Variants in PAK3 observed in about 807,000 individuals in gnomAD.
The protein encoded by PAK3 is p21 (RAC1) activated kinase 3.
Under a neutral mutation model 41.0 loss-of-function variants are expected in PAK3, and 4 were observed. That is an observed-to-expected ratio of 0.10 (90% confidence interval 0.05 to 0.22). The LOEUF (loss-of-function observed/expected upper bound fraction) is 0.22, where lower values mean the gene tolerates loss of function less well. Among genes scored for constraint, PAK3 ranks in the 10% least tolerant of loss-of-function variants. The probability of loss-of-function intolerance (pLI) is 1.00; values close to 1 mark genes in which losing one functional copy is unlikely to be tolerated. For missense variants in PAK3, 205 were observed against 409.9 expected (o/e 0.50, Z 4.32); for synonymous variants, 146 against 139.6 (o/e 1.05, Z -0.32).
chrX:110,959,944 TGTAA>T (rs780166581), intron 1 of PAK3, among the ~76,000 whole-genome samples: 23 of 112,354 alleles, frequency 2.0e-4, no homozygotes, highest in Admixed American at 1.8e-3. Flanking sequence ...CAATGCTCCC[TGTAA>T]GTGTCATGGC....
intron 1 of PAK3, among the ~76,000 whole-genome samples, chrX:111,069,901 G>A (rs1462602035): frequency 9.0e-6 from 1 of 111,436 alleles, no homozygotes; most frequent in Non-Finnish European, 1.9e-5. Context: ...TGCAGACTGA[G>A]ACTGACTGCC....
intron 1 of PAK3, among the ~76,000 whole-genome samples, chrX:110,993,536 T>C (rs2091686949): frequency 8.9e-6 from 1 of 111,903 alleles, no homozygotes; most frequent in Non-Finnish European, 1.9e-5. Flanking sequence ...AAAAGTCTTG[T>C]GGCCCTTCTC....
intron 3 of PAK3, among the ~76,000 whole-genome samples, chrX:111,099,597 T>C (rs2093084460): frequency 9.3e-6 from 1 of 107,434 alleles, no homozygotes; most frequent in African/African-American, 3.4e-5. Flanking sequence ...TTCTTTGAGG[T>C]TGGAGGGGGC....
chrX:111,092,421 A>C (rs1042829851), upstream of PAK3, among the ~76,000 whole-genome samples: 1 of 111,875 alleles, frequency 8.9e-6, no homozygotes, highest in Admixed American at 9.5e-5. Context: ...CAAAAATAAA[A>C]TCATAATACA....
rs142009516 is a variant in PAK3, at chrX:110,993,809, T to C, written c.-28+49181T>C. 1.1e-3 allele frequency among the ~76,000 whole-genome samples: 124 copies of C among 111,826 alleles called. 1 individual carries two copies. The East Asian group carries it at 0.02, about 18-fold the overall frequency. On this transcript the variant is annotated intron_variant, in intron 1 of 14. Coordinates refer to the PAK3 transcript ENST00000425146. ...TGGCTTGTTGTAAAGGTCAACAGCA[T>C]ACATAAGTATACAAAATACAAAGGG...
chrX:111,163,669 C>T lies in PAK3; in HGVS notation c.708C>T (p.Asn236=). The T allele has an allele frequency of 8.3e-7, 1 of 1,201,432 alleles. No homozygotes were observed. Among genetic ancestry groups the T allele is most frequent in the African/African-American group, 1.7e-5 (1 of 57,507 alleles). Residue 236 remains asparagine (N), a synonymous_variant, in exon 10 of 18, where the codon AAC becomes AAT. Transcript: ENST00000372007. ...ENANSSTLYR[N]TDRQRKKSKM... ...CCAATTCCAGTACTTTGTACAGGAA[C>T]ACAGATCGGCAAAGAAAAAAATCCA...
At chrX:110,947,721 A>G (rs1395964367) in intron 1 of PAK3, among the ~76,000 whole-genome samples, 1 of 111,947 alleles carries the variant, frequency 8.9e-6, no homozygotes, top group Non-Finnish European at 1.9e-5. Flanking sequence ...TGGTGTTCCA[A>G]CAAGCATTTG....
chrX:111,053,055 T>A (rs1022549335), intron 1 of PAK3, among the ~76,000 whole-genome samples: 1 of 112,407 alleles, frequency 8.9e-6, no homozygotes, highest in East Asian at 2.8e-4. Flanking sequence ...ACATGTTTAT[T>A]CTGAGATCTG....
chrX:111,069,666 T>A (rs2092727401), intron 1 of PAK3, among the ~76,000 whole-genome samples: 2 of 109,768 alleles, frequency 1.8e-5, no homozygotes, highest in Non-Finnish European at 3.8e-5. Context: ...AACAGGGGCC[T>A]CCTTTAGACT....
intron 4 of PAK3, among the ~76,000 whole-genome samples, chrX:111,105,908 T>C (rs1569334151): frequency 8.9e-6 from 1 of 112,057 alleles, no homozygotes; most frequent in Admixed American, 9.4e-5. Flanking sequence ...TATAGTCACA[T>C]TGACTGACAC....
At chrX:111,206,828 A>C (rs933082877) in intron 16 of PAK3, among the ~76,000 whole-genome samples, 1 of 111,640 alleles carries the variant, frequency 9.0e-6, no homozygotes, top group African/African-American at 3.3e-5. Flanking sequence ...TAAAAAAGAC[A>C]TGGCAGACAC....
intron 7 of PAK3, 74 bp from the exon 8 acceptor site, chrX:111,152,336 T>A (rs2094040365): frequency 2.8e-6 from 2 of 705,522 alleles, no homozygotes; most frequent in African/African-American, 4.3e-5. Context: ...TTTTAATTTT[T>A]ATTTTTCTGG....
chrX:111,138,994 A>G (rs1017185473), intron 5 of PAK3, among the ~76,000 whole-genome samples: 24 of 110,462 alleles, frequency 2.2e-4, no homozygotes, highest in Non-Finnish European at 3.0e-4. Context: ...ACAACAACAC[A>G]CACACACACA....
intron 1 of PAK3, among the ~76,000 whole-genome samples, chrX:110,999,588 G>A (rs2091809521): frequency 9.1e-6 from 1 of 109,902 alleles, no homozygotes; most frequent in Non-Finnish European, 1.9e-5. Flanking sequence ...AGGGCCTGTA[G>A]ACTCAGCCAC....
chrX:110,994,272 G>A lies in PAK3; in HGVS notation c.-28+49644G>A, dbSNP rs138759739. Among the ~76,000 whole-genome samples, 168 of 111,891 alleles carry A rather than the reference G, an allele frequency of 1.5e-3. 1 individual carries two copies. The highest frequency in any genetic ancestry group is 5.2e-3 in the African/African-American group (159 of 30,811). ...TCCTAAATGCCAAAGGGCTGCTTCC[G>A]CCTAAGAACTAATGAGGGGGCCAAA... On this transcript the variant is annotated intron_variant, in intron 1 of 14. Coordinates refer to the PAK3 transcript ENST00000425146.
Position 111,226,222 on chromosome X carries a change from G to A in PAK3, c.*5775G>A, listed in dbSNP as rs761575087. ...AATGAAGTTCATAATAATAGGGGATGTTGATAAAACTTGTGGCAGCCTTCC... is the reference window on the plus strand; with the variant it reads ...AATGAAGTTCATAATAATAGGGGATATTGATAAAACTTGTGGCAGCCTTCC... On this transcript the variant is annotated 3_prime_UTR_variant, in exon 18 of 18. Transcript: ENST00000372007. The A allele has an allele frequency of 9.0e-5, 10 of 111,557 alleles. No individual in the cohort carries two copies. Among genetic ancestry groups the A allele is most frequent in the African/African-American group, 2.3e-4 (7 of 30,741 alleles). The allele number at this position is 111,557 out of a possible 1,213,427, so 9.2% of individuals were successfully genotyped here. A position where few individuals can be genotyped will look rare whatever the true frequency, so the allele number is the denominator to read the frequency against.
At chrX:111,219,894 A>C (rs769867767) in intron 17 of PAK3, among the ~76,000 whole-genome samples, 17 of 111,468 alleles carry the variant, frequency 1.5e-4, no homozygotes, top group Non-Finnish European at 3.0e-4. Flanking sequence ...AAATAAATTA[A>C]AAAAATTCAA....
intron 11 of PAK3, 46 bp from the exon 12 acceptor site, chrX:111,192,081 G>A (rs1433847073): frequency 1.3e-6 from 1 of 763,469 alleles, no homozygotes. Context: ...AAATATATTG[G>A]TAACAGCTTG....
chrX:110,944,498 T>A (rs1372179516), exon 1 of PAK3: 1 of 112,029 alleles, frequency 8.9e-6, no homozygotes, highest in African/African-American at 3.3e-5. Flanking sequence ...TGATCTCCTA[T>A]CCCCTCTGGT....
Sources: allele counts gnomAD v4.1 joint callset (sites outside exome capture counted in the v4.1 genomes callset), GRCh38; gene constraint gnomAD v4.1.1; transcripts MANE v1.5; gene names NCBI Gene and HGNC (gene_info 2026-07-23, HGNC 2026-07-21).